SMPD3: variants seen among roughly 807,000 people sequenced by gnomAD.
SMPD3 encodes the protein sphingomyelin phosphodiesterase 3, also known as nSMase-2.
A neutral mutation model predicts 55.7 loss-of-function variants in SMPD3; 21 were observed. The observed-to-expected ratio is 0.38, with a 90% CI of 0.27 to 0.54. The LOEUF is 0.54. Among genes scored for constraint, SMPD3 ranks in the 20% least tolerant of loss-of-function variants. SMPD3 has a pLI of 0.80. For synonymous variants in SMPD3, 457 were observed against 404.3 expected (o/e 1.13, Z -1.56); for missense variants, 842 against 899.6 (o/e 0.94, Z 0.82).
intron 1 of SMPD3, among the ~76,000 whole-genome samples, chr16:68,391,837 A>G (rs558398263): frequency 4.0e-4 from 61 of 152,352 alleles, no homozygotes; most frequent in Middle Eastern, 3.4e-3. Flanking sequence ...TGGAGGCTCT[A>G]AGGAAGTATA....
chr16:68,362,945 G>A (rs2089358234), intron 7 of SMPD3, among the ~76,000 whole-genome samples: 1 of 152,220 alleles, frequency 6.6e-6, no homozygotes, highest in Admixed American at 6.5e-5. Context: ...GTCTCGGGCT[G>A]TGAATTATAA....
Position 68,372,026 on chromosome 16 carries a change from C to T in SMPD3, c.156G>A (p.Pro52=), listed in dbSNP as rs753787676. 216 of 1,610,896 alleles carry T rather than the reference C, an allele frequency of 1.3e-4. 1 individual carries two copies. Among genetic ancestry groups the T allele is most frequent in the Non-Finnish European group, 1.7e-4 (196 of 1,179,020 alleles). Residue 52 remains proline (P), a synonymous_variant, in exon 3 of 9, where the codon CCG becomes CCA. Coordinates refer to ENST00000219334, the MANE Select transcript of SMPD3 (RefSeq NM_018667.4). ...TYEKRQRADD[P]CCLQLLCTAL... is the part of the protein sequence containing the mutation. ...CAGTGCAGAGCAGCTGCAGGCAGCA[C>T]GGGTCGTCTGCCCGCTGGCGCTTCT...
Position 68,361,171 on chromosome 16 carries a change from C to T in SMPD3, c.*35G>A, listed in dbSNP as rs779369882. The T allele has an allele frequency of 5.7e-6, 9 of 1,592,240 alleles. No individual in the cohort carries two copies. The highest frequency in any genetic ancestry group is 1.7e-5 in the Admixed American group (1 of 59,450). ...ATGGCCCAGGGATGGGCTGCAGCTG[C>T]AAGGGCTGGCAGAGGCCCCGCTGCT... is the stretch of plus-strand genomic sequence containing the variant. On this transcript the variant is annotated 3_prime_UTR_variant, in exon 9 of 9. Coordinates refer to ENST00000219334, the MANE Select transcript of SMPD3 (RefSeq NM_018667.4).
At chr16:68,431,588 G>T (rs767912805) in intron 1 of SMPD3, among the ~76,000 whole-genome samples, 4 of 152,186 alleles carry the variant, frequency 2.6e-5, no homozygotes, top group Non-Finnish European at 4.4e-5. Context: ...TATGTTTACT[G>T]AGCTTGTACT....
intron 1 of SMPD3, among the ~76,000 whole-genome samples, chr16:68,416,540 C>T (rs1054328068): frequency 3.3e-5 from 5 of 152,254 alleles, no homozygotes; most frequent in African/African-American, 1.2e-4. Context: ...TCCCTCTTAA[C>T]AGCAACATCA....
chr16:68,373,108 G>T (rs2089717028), intron 2 of SMPD3, among the ~76,000 whole-genome samples: 2 of 152,230 alleles, frequency 1.3e-5, no homozygotes, highest in African/African-American at 2.4e-5. Flanking sequence ...AGAACCATCA[G>T]AGTTCCCCTG....
intron 1 of SMPD3, among the ~76,000 whole-genome samples, chr16:68,430,221 C>T (rs1203220725): frequency 6.6e-6 from 1 of 152,032 alleles, no homozygotes; most frequent in South Asian, 2.1e-4. Context: ...TCCCTCTATG[C>T]CCCCTCCCTC....
intron 1 of SMPD3, among the ~76,000 whole-genome samples, chr16:68,406,729 A>G (rs1433135223): frequency 6.6e-6 from 1 of 152,180 alleles, no homozygotes; most frequent in African/African-American, 2.4e-5. Flanking sequence ...CTTATTGTTC[A>G]TTTTATTTGA....
chr16:68,377,010 G>C (rs1312610567), intron 2 of SMPD3, among the ~76,000 whole-genome samples: 1 of 152,120 alleles, frequency 6.6e-6, no homozygotes, highest in Non-Finnish European at 1.5e-5. Flanking sequence ...CTCCCCTGAG[G>C]GTCAGCCCTT....
intron 1 of SMPD3, among the ~76,000 whole-genome samples, chr16:68,400,198 C>T (rs564761131): frequency 7.3e-4 from 111 of 152,286 alleles, no homozygotes; most frequent in African/African-American, 2.4e-3. Flanking sequence ...GAAGGAACCA[C>T]CCTCAAATAC....
chr16:68,425,086 T>C (rs2090425262), intron 1 of SMPD3, among the ~76,000 whole-genome samples: 1 of 152,190 alleles, frequency 6.6e-6, no homozygotes, highest in African/African-American at 2.4e-5. Flanking sequence ...CCCAGGAAGA[T>C]GTGGAAGAGA....
intron 5 of SMPD3, chr16:68,364,396 A>AAG (rs1291942072): frequency 2.0e-5 from 5 of 254,092 alleles, no homozygotes; most frequent in Non-Finnish European, 3.8e-5. Context: ...CAGGGTTGTT[A>AAG]AGACACTTAA....
chr16:68,362,851 CAGCAT>C (rs2089354086), intron 7 of SMPD3, among the ~76,000 whole-genome samples: 1 of 152,200 alleles, frequency 6.6e-6, no homozygotes, highest in African/African-American at 2.4e-5. Context: ...AGAATTTTCT[CAGCAT>C]AGGATGATGT....
intron 3 of SMPD3, chr16:68,367,422 C>CG (rs995731371): frequency 3.8e-5 from 5 of 132,608 alleles, no homozygotes; most frequent in African/African-American, 1.6e-4. Flanking sequence ...AGCTTCCAGT[C>CG]GGATCTGTTT....
At chr16:68,430,096 A>G (rs573296038) in intron 1 of SMPD3, among the ~76,000 whole-genome samples, 1 of 152,170 alleles carries the variant, frequency 6.6e-6, no homozygotes, top group Admixed American at 6.5e-5. Flanking sequence ...ACATTCAGTT[A>G]AAGTGGGGCC....
Position 68,371,147 on chromosome 16 carries a change from G to C in SMPD3, c.1035C>G (p.Phe345Leu). The C allele has an allele frequency of 6.2e-7, 1 of 1,613,768 alleles. No homozygotes were observed. The change falls in exon 3 of 9, where the codon TTC (phenylalanine) becomes TTG (leucine). Residue 345 changes from phenylalanine (F) to leucine (L), a missense_variant. Phe to Leu is a conservative substitution (Grantham distance 22). Transcript: ENST00000219334. ...GGAAGAAGGCGGAGACCTCATGGTC[G>C]AAGGCCTCGTCGGGGTGCCGCCTCC... The part of the protein sequence containing the change: ...ARRRRHPDEA[F>L]DHEVSAFFPA...
chr16:68,377,795 A>G (rs2089856122), intron 2 of SMPD3, among the ~76,000 whole-genome samples: 2 of 152,208 alleles, frequency 1.3e-5, no homozygotes, highest in Admixed American at 6.5e-5. Context: ...CTGCTTGCAC[A>G]GTGGTGCAAA....
In SMPD3 at chr16:68,372,597, G is replaced by A. The variant is rs182008015; in HGVS notation, c.-206-210C>T. On this transcript the variant is annotated intron_variant, in intron 2 of 8. Transcript: ENST00000219334. ...TCCATGTATGCTGTTCTCTTGGAGC[G>A]AATAGCTTGGTGATATGACTGCCCC... 2.8e-4 allele frequency among the ~76,000 whole-genome samples: 42 copies of A among 152,340 alleles called. No individual in the cohort carries two copies. The East Asian group carries it at 7.1e-3, about 26-fold the overall frequency.
rs765886945 is a variant in SMPD3 at position 68,360,831 on chromosome 16, C to T, written c.*375G>A. On this transcript the variant is annotated 3_prime_UTR_variant, in exon 9 of 9. Transcript: ENST00000219334. ...CATGCGAGGGTGCAGGCATGCGAGA[C>T]GACATTGGCAGCAGACAAAAATAAA... is the stretch of plus-strand genomic sequence containing the variant. 3.3e-5 allele frequency: 7 copies of T among 210,012 alleles called. No individual in the cohort carries two copies. The highest frequency in any genetic ancestry group is 7.0e-5 in the African/African-American group (3 of 42,932). The allele number at this position is 210,012 out of a possible 1,614,324, so 13.0% of individuals were successfully genotyped here. A position where few individuals can be genotyped will look rare whatever the true frequency, so the allele number is the denominator to read the frequency against.
Sources: allele counts gnomAD v4.1 joint callset (sites outside exome capture counted in the v4.1 genomes callset), GRCh38; gene constraint gnomAD v4.1.1; transcripts MANE v1.5; gene names NCBI Gene and HGNC (gene_info 2026-07-23, HGNC 2026-07-21).